ZNF423: variants seen among roughly 807,000 people sequenced by gnomAD.
The protein encoded by ZNF423 is zinc finger protein 423.
ZNF423 carries 12 observed loss-of-function variants against 95.8 expected under a neutral mutation model. The observed-to-expected ratio is 0.13, with a 90% CI of 0.08 to 0.20. The LOEUF is 0.20. Ranked by LOEUF, ZNF423 falls within the 10% of genes least tolerant of loss-of-function variation. The pLI is 1.00. For synonymous variants in ZNF423, 749 were observed against 711.9 expected, an observed-to-expected ratio of 1.05 and a Z score of -0.83; for missense variants, 1,316 against 1,737.1, an observed-to-expected ratio of 0.76 and a Z score of 4.31.
chr16:49,644,658 CAAAAAAAAAAAAAAAAAAA>C lies in ZNF423; in HGVS notation c.302-5803_302-5785del, dbSNP rs56066766. On this transcript the variant is annotated intron_variant, in intron 3 of 7. Coordinates refer to ENST00000563137, the MANE Select transcript of ZNF423 (RefSeq NM_001379286.1). ...GGGTAACAAGAGTAAAACTCTGACT[CAAAAAAAAAAAAAAAAAAA>C]AAAAAAAAAAAAAAAAAAAACCGTG... Among the ~76,000 whole-genome samples, 353 of 39,580 alleles carry C rather than the reference CAAAAAAAAAAAAAAAAAAA, an allele frequency of 8.9e-3. 3 individuals are homozygous for C. Among genetic ancestry groups the C allele is most frequent in the Middle Eastern group, 0.056 (2 of 36 alleles). The allele number at this position is 39,580 out of a possible 152,430, so 26.0% of individuals were successfully genotyped here.
chr16:49,838,549 A>G (rs2035145857), intron 1 of ZNF423, among the ~76,000 whole-genome samples: 1 of 151,966 alleles, frequency 6.6e-6, no homozygotes, highest in South Asian at 2.1e-4. Flanking sequence ...CGGAGGCCCG[A>G]TCGGGGTTCC....
intron 5 of ZNF423, among the ~76,000 whole-genome samples, chr16:49,573,015 G>A (rs1970397681): frequency 2.6e-5 from 4 of 152,202 alleles, no homozygotes; most frequent in Admixed American, 2.6e-4. Flanking sequence ...GCTAACTAGT[G>A]GACAGGTAGA....
At chr16:49,806,952 G>A (rs553960075) in intron 1 of ZNF423, among the ~76,000 whole-genome samples, 139 of 151,784 alleles carry the variant, frequency 9.2e-4, no homozygotes, top group African/African-American at 3.2e-3. Flanking sequence ...GCTTGAACCC[G>A]GGAGGTAGAG....
In ZNF423 at chr16:49,523,690, C is replaced by T. The variant is rs531186395; in HGVS notation, c.3783G>A (p.Gly1261=). ...AGCAGTCGTAGATCTTGTCCTCCTG[C>T]CCGTGCACGGCAAAGATGTGCTGCT... ...KLQQHIFAVH[G]QEDKIYDCSQ... The change falls in exon 7 of 8, where the codon GGG becomes GGA. Residue 1261 remains glycine (G), a synonymous_variant. Transcript: ENST00000563137. The T allele has an allele frequency of 1.2e-6, 2 of 1,614,138 alleles. No homozygotes were observed. The highest frequency in any genetic ancestry group is 4.5e-5 in the East Asian group (2 of 44,892).
intron 3 of ZNF423, among the ~76,000 whole-genome samples, chr16:49,726,505 T>C (rs1303067839): frequency 6.6e-6 from 1 of 152,152 alleles, no homozygotes; most frequent in East Asian, 1.9e-4. Context: ...CTGCTGCAGT[T>C]TAAAGGACCC....
chr16:49,828,014 T>C (rs79190220), intron 1 of ZNF423, among the ~76,000 whole-genome samples: 2,200 of 152,334 alleles, frequency 0.014, 22 homozygotes, highest in Non-Finnish European at 0.02. Context: ...TTCCTGGAAG[T>C]ACAAGTGCAA....
At position 49,514,882 on chromosome 16, in the gene ZNF423, T is replaced by C. The variant is rs1435406484; in HGVS notation, c.3849+8742A>G. Among the ~76,000 whole-genome samples, 3 of 152,190 alleles carry C rather than the reference T, an allele frequency of 2.0e-5. No individual in the cohort carries two copies. The East Asian group carries it at 5.8e-4, about 29-fold the overall frequency. On this transcript the variant is annotated intron_variant, in intron 7 of 7. Transcript: ENST00000563137. ...CATCTTCATCAAGGACATGTGCATGTGTGCGTGCACACATACACGCGCTGT... is the reference window on the plus strand; with the variant it reads ...CATCTTCATCAAGGACATGTGCATGCGTGCGTGCACACATACACGCGCTGT...
intron 2 of ZNF423, among the ~76,000 whole-genome samples, chr16:49,779,075 C>G (rs1461697703): frequency 3.9e-5 from 6 of 152,034 alleles, no homozygotes; most frequent in Non-Finnish European, 8.8e-5. Context: ...CTGCACTTCC[C>G]AGGACAAATA....
At chr16:49,858,801 G>C (rs1199822667), upstream of ZNF423, among the ~76,000 whole-genome samples, 1 of 152,070 alleles carries the variant, frequency 6.6e-6, no homozygotes, top group Non-Finnish European at 1.5e-5. The surrounding 1 kb of genome is among the most constrained non-coding windows in gnomAD (Gnocchi z 4.3). Context: ...GAGGGCAGGG[G>C]CCGCGAGGCG....
intron 5 of ZNF423, among the ~76,000 whole-genome samples, chr16:49,622,892 A>G (rs1231690389): frequency 6.6e-6 from 1 of 152,178 alleles, no homozygotes; most frequent in Non-Finnish European, 1.5e-5. Flanking sequence ...TCTTTGCTGC[A>G]TGCTATGTGC....
At chr16:49,564,923 G>A (rs374309189) in intron 5 of ZNF423, among the ~76,000 whole-genome samples, 18 of 152,236 alleles carry the variant, frequency 1.2e-4, no homozygotes, top group African/African-American at 3.4e-4. Flanking sequence ...CTAAATTCCC[G>A]GCATTCCACG....
chr16:49,681,048 C>A (rs756023247), intron 3 of ZNF423, among the ~76,000 whole-genome samples: 19 of 152,188 alleles, frequency 1.2e-4, no homozygotes, highest in Non-Finnish European at 2.2e-4. Flanking sequence ...GCTCTGCACA[C>A]CTTAGAGTTG....
At chr16:49,548,136 C>T (rs1969504668) in intron 5 of ZNF423, among the ~76,000 whole-genome samples, 1 of 152,166 alleles carries the variant, frequency 6.6e-6, no homozygotes, top group Admixed American at 6.5e-5. Context: ...AAGGAAAAAC[C>T]TCCACCTCAC....
intron 2 of ZNF423, among the ~76,000 whole-genome samples, chr16:49,747,339 T>C (rs1224099809): frequency 6.6e-6 from 1 of 151,632 alleles, no homozygotes; most frequent in Non-Finnish European, 1.5e-5. Flanking sequence ...AAAAAGCAAG[T>C]TGCTAAAGAT....
At chr16:49,770,225 G>A (rs1186763898) in intron 2 of ZNF423, among the ~76,000 whole-genome samples, 2 of 115,884 alleles carry the variant, frequency 1.7e-5, no homozygotes, top group Admixed American at 1.8e-4. Flanking sequence ...TGAATGAATG[G>A]GCCCTCATGG....
In ZNF423 at chr16:49,855,330, C is replaced by T. The variant is rs2035350111; in HGVS notation, c.40+405G>A. ...GCCTCTTCCTTCCTCCTGTCGCCCG[C>T]CCGCCGCCGCCGAGATTCGCAATCC... On this transcript the variant is annotated intron_variant, in intron 1 of 7. Transcript: ENST00000563137. This position sits in a 1 kb window ranked among gnomAD's most constrained non-coding sequence, Gnocchi z 4.7. Among the ~76,000 whole-genome samples, 2 of 151,214 alleles carry T rather than the reference C, an allele frequency of 1.3e-5. No individual in the cohort carries two copies. The highest frequency in any genetic ancestry group is 3.0e-5 in the Non-Finnish European group (2 of 67,672).
At chr16:49,493,348 C>T (rs554817244) in intron 7 of ZNF423, among the ~76,000 whole-genome samples, 2 of 152,310 alleles carry the variant, frequency 1.3e-5, no homozygotes, top group South Asian at 2.1e-4. Flanking sequence ...CACACAGCCA[C>T]GCACCTCTCA....
At chr16:49,789,188 G>A (rs887393814) in intron 2 of ZNF423, among the ~76,000 whole-genome samples, 2 of 152,220 alleles carry the variant, frequency 1.3e-5, no homozygotes, top group African/African-American at 4.8e-5. Context: ...GTGCAGTGAC[G>A]CCCATAGCAG....
chr16:49,728,886 T>A (rs2033093623), intron 3 of ZNF423, among the ~76,000 whole-genome samples: 1 of 152,154 alleles, frequency 6.6e-6, no homozygotes, highest in African/African-American at 2.4e-5. Context: ...GCATGTGCCA[T>A]CACGCCTGGG....
Sources: gnomAD v4.1 joint callset for allele counts (sites outside exome capture counted in the v4.1 genomes callset) on GRCh38, gnomAD v4.1.1 for gene constraint, Gnocchi (gnomAD v3.1) non-coding constraint, MANE v1.5 for transcripts, NCBI Gene and HGNC (gene_info 2026-07-23, HGNC 2026-07-21) for gene names.